RBM27: variants seen among roughly 807,000 people sequenced by gnomAD.
RBM27 encodes RNA binding motif protein 27, also known as RNA-binding protein 27.
A neutral mutation model predicts 135.3 loss-of-function variants in RBM27; 22 were observed. The observed-to-expected ratio is 0.16, with a 90% CI of 0.12 to 0.23. The LOEUF is 0.23. RBM27 is among the 10% of genes least tolerant of loss of function. RBM27 has a pLI of 1.00. For synonymous variants in RBM27, 481 were observed against 442.4 expected (o/e 1.09, Z -1.10); for missense variants, 1,009 against 1,281.0 (o/e 0.79, Z 3.24).
chr5:146,261,848 C>T (rs1346083339), intron 13 of RBM27, 42 bp downstream of exon 13: 17 of 1,598,028 alleles, frequency 1.1e-5, no homozygotes, highest in Admixed American at 6.7e-5. Flanking sequence ...TTAGTTACAC[C>T]CTCTAGATCA....
chr5:146,277,368 T>A (rs970933985), intron 19 of RBM27, among the ~76,000 whole-genome samples: 2 of 152,178 alleles, frequency 1.3e-5, no homozygotes, highest in African/African-American at 4.8e-5. Flanking sequence ...AGATATACAT[T>A]TGTCTTATTT....
rs749439367 is a variant in RBM27 at position 146,233,667 on chromosome 5, T to C, written c.1068T>C (p.Gly356=). The part of the protein sequence containing the change: ...GPGPGPGPGP[G]PGHSMRLPVP... ...GCCCAGGCCCGGGCCCAGGTCCAGGTCCTGGCCATAGTATGAGACTTCCTG... is the reference window on the plus strand; with the variant it reads ...GCCCAGGCCCGGGCCCAGGTCCAGGCCCTGGCCATAGTATGAGACTTCCTG... The change falls in exon 7 of 21, where the codon GGT becomes GGC. Residue 356 remains glycine (G), a synonymous_variant. Coordinates refer to ENST00000265271, the MANE Select transcript of RBM27 (RefSeq NM_018989.2). 2 of 1,554,984 alleles carry C rather than the reference T, an allele frequency of 1.3e-6. No homozygotes were observed. The highest frequency in any genetic ancestry group is 1.2e-5 in the South Asian group (1 of 81,902).
At position 146,230,901 on chromosome 5, in the gene RBM27, A is replaced by G. The variant is rs1359051712; in HGVS notation, c.834A>G (p.Arg278=). Residue 278 remains arginine, a synonymous_variant, in exon 6 of 21, where the codon CGA becomes CGG. Coordinates refer to ENST00000265271, the MANE Select transcript of RBM27 (RefSeq NM_018989.2). Reference sequence around the variant, plus strand: ...GTCGAAACCTACCACCAAAGAGGCGATGCAGAGATTATGATGGTAAAAATC... The same window carrying G: ...GTCGAAACCTACCACCAAAGAGGCGGTGCAGAGATTATGATGGTAAAAATC... ...SFGRNLPPKR[R]CRDYDERGFC... is the part of the protein sequence containing the mutation. 2 of 1,614,236 alleles carry G rather than the reference A, an allele frequency of 1.2e-6. No individual in the cohort carries two copies. Among genetic ancestry groups the G allele is most frequent in the Non-Finnish European group, 1.7e-6 (2 of 1,180,038 alleles).
At chr5:146,213,958 AT>A (rs1756086059) in intron 1 of RBM27, among the ~76,000 whole-genome samples, 1 of 152,238 alleles carries the variant, frequency 6.6e-6, no homozygotes, top group Non-Finnish European at 1.5e-5. Context: ...TGTAAGTTAC[AT>A]TAAGCTTTAG....
Position 146,261,559 on chromosome 5 carries a change from A to T in RBM27, c.1943A>T (p.Asn648Ile). 1 of 1,614,216 alleles carries T rather than the reference A, an allele frequency of 6.2e-7. No homozygotes were observed. The highest frequency in any genetic ancestry group is 2.2e-5 in the East Asian group (1 of 44,892). Residue 648 changes from asparagine (N) to isoleucine (I), a missense_variant, in exon 13 of 21, where the codon AAT becomes ATT. Asn to Ile is a moderately radical substitution (Grantham distance 149, BLOSUM62 -3). This residue lies in a region of RBM27 where 34 missense variants were observed against 82.8 expected (regional missense o/e 0.41). Transcript: ENST00000265271. ...PEAALIQYLT[N>I]EEARKAISST... ...GCAGCCCTAATCCAATATCTTACCA[A>T]TGAGGAGGCCAGGAAAGCCATTTCT...
At chr5:146,257,398 T>C (rs1160086669) in intron 10 of RBM27, among the ~76,000 whole-genome samples, 1 of 152,214 alleles carries the variant, frequency 6.6e-6, no homozygotes, top group Non-Finnish European at 1.5e-5. Context: ...TGGCTTTGGA[T>C]TTTCTTCCCA....
At chr5:146,234,133 G>A (rs1182697269) in intron 7 of RBM27, among the ~76,000 whole-genome samples, 1 of 152,128 alleles carries the variant, frequency 6.6e-6, no homozygotes, top group African/African-American at 2.4e-5. Flanking sequence ...GCCTCCCAAA[G>A]TGCTAGGATT....
chr5:146,264,574 GA>G (rs1412385131), intron 14 of RBM27, among the ~76,000 whole-genome samples: 1 of 146,386 alleles, frequency 6.8e-6, no homozygotes, highest in African/African-American at 2.5e-5. Flanking sequence ...ACCAAACTTT[GA>G]AATATGTTTT....
chr5:146,240,884 T>C (rs374088586), intron 8 of RBM27, among the ~76,000 whole-genome samples: 2 of 152,246 alleles, frequency 1.3e-5, no homozygotes, highest in East Asian at 1.9e-4. Context: ...TTATGGGAAA[T>C]CTCAAATATA....
chr5:146,262,410 G>A (rs182274414), intron 13 of RBM27, among the ~76,000 whole-genome samples: 1 of 152,282 alleles, frequency 6.6e-6, no homozygotes, highest in African/African-American at 2.4e-5. Flanking sequence ...AATTTTGCCT[G>A]TTGTGTCCAT....
intron 13 of RBM27, 123 bp from the exon 14 acceptor site, chr5:146,263,368 A>G (rs535101232): frequency 9.2e-5 from 83 of 904,986 alleles, no homozygotes; most frequent in South Asian, 6.6e-4. Context: ...CTTACGGATA[A>G]TTGAAGCACC....
In RBM27 at chr5:146,210,925, C is replaced by T. The variant is rs184284465; in HGVS notation, c.59+7101C>T. ...TTGCGCCACCGCACTCCAGCCTGGG[C>T]GGCAGAGCGAGACTCCGTCTCAAAA... On this transcript the variant is annotated intron_variant, in intron 1 of 20. Transcript: ENST00000265271. Among the ~76,000 whole-genome samples the T allele has an allele frequency of 2.4e-3, 355 of 149,266 alleles. 5 individuals carry two copies. The highest frequency in any genetic ancestry group is 0.02 in the Admixed American group (288 of 14,748).
chr5:146,238,223 C>G (rs1212363755), intron 8 of RBM27, among the ~76,000 whole-genome samples: 2 of 152,004 alleles, frequency 1.3e-5, no homozygotes, highest in Non-Finnish European at 2.9e-5. Flanking sequence ...ATACATTTTT[C>G]TTGGGCCAGG....
chr5:146,283,743 C>T (rs954784832), intron 19 of RBM27, among the ~76,000 whole-genome samples: 7 of 152,130 alleles, frequency 4.6e-5, no homozygotes, highest in African/African-American at 1.4e-4. Context: ...TGTACATTCT[C>T]ACCATGCTAT....
chr5:146,284,611 A>G lies in RBM27; in HGVS notation c.2989-11A>G, dbSNP rs780151706. On this transcript the variant is annotated splice_polypyrimidine_tract_variant and intron_variant, in intron 19 of 20. Coordinates refer to ENST00000265271, the MANE Select transcript of RBM27 (RefSeq NM_018989.2). ...GTGCAAACTTGTATGTTCTTCTAAT[A>G]TATATTTTAGACCGCAAACCAAGGG... 1.9e-6 allele frequency: 3 copies of G among 1,551,220 alleles called. No individual in the cohort carries two copies. The highest frequency in any genetic ancestry group is 1.1e-5 in the South Asian group (1 of 88,386).
chr5:146,256,207 C>T (rs1360066598), intron 10 of RBM27, among the ~76,000 whole-genome samples: 1 of 149,468 alleles, frequency 6.7e-6, no homozygotes, highest in Non-Finnish European at 1.5e-5. Context: ...TTCTTTTTTC[C>T]TGCTGTTAAT....
intron 6 of RBM27, among the ~76,000 whole-genome samples, chr5:146,232,141 G>A (rs79751654): frequency 0.043 from 6,495 of 152,272 alleles, 203 homozygotes; most frequent in Non-Finnish European, 0.063. Context: ...CATGGGGAAT[G>A]TTGTTTTAAT....
chr5:146,220,203 C>T (rs554260902), intron 2 of RBM27, among the ~76,000 whole-genome samples: 14 of 152,234 alleles, frequency 9.2e-5, no homozygotes, highest in African/African-American at 2.6e-4. Flanking sequence ...ATGGGCCAGG[C>T]GCGGTGGCTT....
chr5:146,279,587 C>G (rs1759243944), intron 19 of RBM27, among the ~76,000 whole-genome samples: 1 of 152,030 alleles, frequency 6.6e-6, no homozygotes, highest in South Asian at 2.1e-4. Context: ...GCGGGTGGAT[C>G]ACCTGACCTC....
Sources: gnomAD v4.1 joint callset for allele counts (sites outside exome capture counted in the v4.1 genomes callset) on GRCh38, gnomAD v4.1.1 for gene constraint, gnomAD v4.1.1 regional missense constraint, MANE v1.5 for transcripts, NCBI Gene and HGNC (gene_info 2026-07-23, HGNC 2026-07-21) for gene names.